TMEFF2: variants seen among roughly 807,000 people sequenced by gnomAD.
The protein encoded by TMEFF2 is tomoregulin-2.
A neutral mutation model predicts 53.8 loss-of-function variants in TMEFF2; 28 were observed. The ratio of observed to expected loss-of-function variants is 0.52; its 90% CI spans 0.39 to 0.71. The LOEUF is 0.71. TMEFF2 is among the 30% of genes least tolerant of loss of function. The probability of loss-of-function intolerance (pLI) is 0.00; values close to 1 mark genes in which losing one functional copy is unlikely to be tolerated. For missense variants in TMEFF2, 353 were observed against 455.2 expected (o/e 0.78, Z 2.04); for synonymous variants, 162 against 166.3 (o/e 0.97, Z 0.20).
At chr2:192,037,483 C>T (rs1005601666) in intron 5 of TMEFF2, among the ~76,000 whole-genome samples, 2 of 151,408 alleles carry the variant, frequency 1.3e-5, no homozygotes, top group African/African-American at 2.4e-5. Context: ...AAGGCAGGTC[C>T]ACGATATGGA....
intron 4 of TMEFF2, among the ~76,000 whole-genome samples, chr2:192,067,096 T>G (rs558908903): frequency 1.3e-5 from 2 of 151,924 alleles, no homozygotes; most frequent in Admixed American, 1.3e-4. Flanking sequence ...TTTTGCAAGA[T>G]TTGCTAATGA....
intron 4 of TMEFF2, among the ~76,000 whole-genome samples, chr2:192,122,855 T>C (rs1024473094): frequency 2.0e-5 from 3 of 151,992 alleles, no homozygotes; most frequent in Non-Finnish European, 4.4e-5. Context: ...CAGAAAAACA[T>C]AACAGAATAG....
intron 7 of TMEFF2, among the ~76,000 whole-genome samples, chr2:191,979,453 G>A (rs1685805355): frequency 6.6e-6 from 1 of 152,102 alleles, no homozygotes; most frequent in Non-Finnish European, 1.5e-5. Context: ...TGTATTAAGA[G>A]GTAGTAAAGA....
intron 5 of TMEFF2, among the ~76,000 whole-genome samples, chr2:192,000,214 GT>G (rs1276496089): frequency 1.3e-5 from 2 of 152,012 alleles, no homozygotes; most frequent in African/African-American, 4.8e-5. Flanking sequence ...TATTTATGTT[GT>G]TTTTGTAAAT....
chr2:192,118,332 C>T (rs1315364514), intron 4 of TMEFF2, among the ~76,000 whole-genome samples: 2 of 152,128 alleles, frequency 1.3e-5, no homozygotes, highest in African/African-American at 4.8e-5. Context: ...GATTGTGTTT[C>T]TAACAGGCAA....
At chr2:192,093,991 T>C (rs1688849016) in intron 4 of TMEFF2, among the ~76,000 whole-genome samples, 1 of 146,790 alleles carries the variant, frequency 6.8e-6, no homozygotes, top group Admixed American at 6.6e-5. Flanking sequence ...AGGTTTTTGT[T>C]GTGTTTTCTC....
chr2:192,009,883 GTACTT>G (rs1559083058), intron 5 of TMEFF2, among the ~76,000 whole-genome samples: 1 of 152,062 alleles, frequency 6.6e-6, no homozygotes, highest in Non-Finnish European at 1.5e-5. Context: ...TCAAAACACT[GTACTT>G]TATCATTTAA....
intron 4 of TMEFF2, among the ~76,000 whole-genome samples, chr2:192,173,343 A>G (rs1429407843): frequency 4.6e-5 from 7 of 151,876 alleles, no homozygotes; most frequent in Admixed American, 1.3e-4. Flanking sequence ...ACAGCATTTT[A>G]TAAATCATTA....
chr2:192,009,679 TATA>T (rs1259964839), intron 5 of TMEFF2, among the ~76,000 whole-genome samples: 1 of 151,976 alleles, frequency 6.6e-6, no homozygotes, highest in African/African-American at 2.4e-5. Context: ...TGAAGACAAA[TATA>T]ATAGAAATAT....
chr2:192,005,080 T>A (rs1686468112), intron 5 of TMEFF2, among the ~76,000 whole-genome samples: 1 of 152,346 alleles, frequency 6.6e-6, no homozygotes, highest in African/African-American at 2.4e-5. Flanking sequence ...GGTCTGTATG[T>A]GGTAATACTA....
In TMEFF2 at chr2:192,135,104, A is replaced by C. The variant is rs536206378; in HGVS notation, c.439+44564T>G. Among the ~76,000 whole-genome samples the C allele has an allele frequency of 1.4e-4, 21 of 152,212 alleles. No homozygotes were observed. In the South Asian group the frequency reaches 1.5e-3, roughly 11 times the overall value. ...CCGGACCAACTTAGACTGTGCCCCC[A>C]AAAAAACTTGTCATCCCTACTATTT... is the stretch of plus-strand genomic sequence containing the variant. On this transcript the variant is annotated intron_variant, in intron 4 of 9. Coordinates refer to ENST00000272771, the MANE Select transcript of TMEFF2 (RefSeq NM_016192.4).
intron 5 of TMEFF2, among the ~76,000 whole-genome samples, chr2:192,008,134 G>A (rs564652337): frequency 5.9e-5 from 9 of 152,302 alleles, no homozygotes; most frequent in African/African-American, 1.7e-4. Context: ...CAGCATGCAA[G>A]CACCCTTAAC....
intron 2 of TMEFF2, among the ~76,000 whole-genome samples, chr2:192,185,972 T>C (rs1291819982): frequency 7.2e-5 from 11 of 152,186 alleles, no homozygotes; most frequent in Admixed American, 7.2e-4. Flanking sequence ...AAGATGACCA[T>C]AATTACTAAC....
chr2:192,133,403 T>G (rs538258642), intron 4 of TMEFF2, among the ~76,000 whole-genome samples: 2 of 152,256 alleles, frequency 1.3e-5, no homozygotes, highest in East Asian at 1.9e-4. Flanking sequence ...TCAATGCCAA[T>G]ATCCCATCCC....
chr2:191,991,045 C>T (rs555787857), intron 7 of TMEFF2, among the ~76,000 whole-genome samples: 1 of 152,074 alleles, frequency 6.6e-6, no homozygotes, highest in Admixed American at 6.6e-5. Context: ...GTAATAATCT[C>T]ATGATCATAT....
Position 192,194,827 on chromosome 2 carries a change from G to C in TMEFF2, c.-303C>G. Reference sequence around the variant, plus strand: ...GAAGCCGGAGGACAGGAGGAGACGGGAGTCCAGGGGCAGACGAGTGGAGCC... The same window carrying C: ...GAAGCCGGAGGACAGGAGGAGACGGCAGTCCAGGGGCAGACGAGTGGAGCC... On this transcript the variant is annotated 5_prime_UTR_variant, in exon 1 of 10. Transcript: ENST00000272771. This position sits in a 1 kb window ranked among gnomAD's most constrained non-coding sequence, Gnocchi z 4.2. 4.8e-6 allele frequency: 2 copies of C among 414,590 alleles called. No individual in the cohort carries two copies. Among genetic ancestry groups the C allele is most frequent in the Non-Finnish European group, 8.9e-6 (2 of 224,226 alleles). 25.7% of individuals were successfully genotyped at this position (414,590 alleles called of 1,614,324 possible). A position where few individuals can be genotyped will look rare whatever the true frequency, so the allele number is the denominator to read the frequency against.
chr2:191,980,087 CT>C (rs2105813842), intron 7 of TMEFF2, among the ~76,000 whole-genome samples: 1 of 152,286 alleles, frequency 6.6e-6, no homozygotes, highest in African/African-American at 2.4e-5. Context: ...GTCAGGCATT[CT>C]TTTAGGCACT....
At chr2:192,041,992 G>C (rs1687495347) in intron 5 of TMEFF2, among the ~76,000 whole-genome samples, 1 of 152,054 alleles carries the variant, frequency 6.6e-6, no homozygotes, top group African/African-American at 2.4e-5. Flanking sequence ...CCTGAGGTCA[G>C]GACTTCAAGA....
At chr2:192,029,144 C>G (rs905592809) in intron 5 of TMEFF2, 1 of 152,158 alleles carries the variant, frequency 6.6e-6, no homozygotes, top group African/African-American at 2.4e-5. Context: ...CATTCTCTAC[C>G]TACCATCTCT....
Sources: gnomAD v4.1 joint callset for allele counts (sites outside exome capture counted in the v4.1 genomes callset) on GRCh38, gnomAD v4.1.1 for gene constraint, Gnocchi (gnomAD v3.1) non-coding constraint, MANE v1.5 for transcripts, NCBI Gene and HGNC (gene_info 2026-07-23, HGNC 2026-07-21) for gene names.